EXOC4: variants seen among roughly 807,000 people sequenced by gnomAD.
EXOC4 encodes exocyst complex component 4.
Under a neutral mutation model 107.2 loss-of-function variants are expected in EXOC4, and 71 were observed. That is an observed-to-expected ratio of 0.66 (90% CI 0.55 to 0.81). The LOEUF is 0.81. Among genes scored for constraint, EXOC4 ranks in the 30% least tolerant of loss-of-function variants. EXOC4 has a pLI of 0.00. For missense variants in EXOC4, 1,108 were observed against 1,189.6 expected (o/e 0.93, Z 1.01); for synonymous variants, 456 against 441.2 (o/e 1.03, Z -0.42).
In EXOC4 at chr7:134,005,008, C is replaced by A; in HGVS notation, c.2445C>A (p.Val815=). The A allele has an allele frequency of 6.2e-7, 1 of 1,613,586 alleles. No homozygotes were observed. Among genetic ancestry groups the A allele is most frequent in the South Asian group, 1.1e-5 (1 of 91,042 alleles). The change falls in exon 16 of 18, where the codon GTC becomes GTA. Residue 815 remains valine (V), a synonymous_variant. Coordinates refer to ENST00000253861, the MANE Select transcript of EXOC4 (RefSeq NM_021807.4). ...GTATGGATTATGACCCCCTGGTGGT[C>A]AAGCTCAACAAAGATATCAGCGCCA... The part of the protein sequence containing the change: ...VESMDYDPLV[V]KLNKDISAIE...
In EXOC4 at chr7:133,839,304, C is replaced by A. The variant is rs142981082; in HGVS notation, c.1734+21760C>A. ...TCTTTTATCCCATCCCTTGCCATAT[C>A]ATTTGGCTCTGATCCTATTTGGATA... is the stretch of plus-strand genomic sequence containing the variant. On this transcript the variant is annotated intron_variant, in intron 11 of 17. Coordinates refer to ENST00000253861, the MANE Select transcript of EXOC4 (RefSeq NM_021807.4). Among the ~76,000 whole-genome samples the A allele has an allele frequency of 2.4e-3, 365 of 152,144 alleles. 5 individuals carry two copies. Among genetic ancestry groups the A allele is most frequent in the African/African-American group, 8.2e-3 (341 of 41,504 alleles).
intron 9 of EXOC4, among the ~76,000 whole-genome samples, chr7:133,497,554 C>T (rs1411426006): frequency 1.3e-5 from 2 of 152,048 alleles, no homozygotes; most frequent in Non-Finnish European, 1.5e-5. Context: ...CCTCAGCCTC[C>T]TGAGTAGCTG....
rs141127946 is a variant in EXOC4, at chr7:134,031,880, G to A, written c.2687+24045G>A. 1.1e-4 allele frequency among the ~76,000 whole-genome samples: 16 copies of A among 152,214 alleles called. No homozygotes were observed. The East Asian group carries it at 2.9e-3, about 28-fold the overall frequency. On this transcript the variant is annotated intron_variant, in intron 17 of 17. Coordinates refer to ENST00000253861, the MANE Select transcript of EXOC4 (RefSeq NM_021807.4). ...TTGTTGCTGAATCTCTCTCAGTTGT[G>A]GTTATTTTAATAAGCAGTGAGTTTG...
chr7:133,934,449 A>G (rs989677334), intron 13 of EXOC4, among the ~76,000 whole-genome samples: 1 of 152,168 alleles, frequency 6.6e-6, no homozygotes, highest in African/African-American at 2.4e-5. Context: ...TATTTTTCTC[A>G]GTCTATTGCT....
chr7:133,449,915 T>C (rs751803580), intron 7 of EXOC4, among the ~76,000 whole-genome samples: 5 of 152,170 alleles, frequency 3.3e-5, no homozygotes, highest in Non-Finnish European at 7.3e-5. Context: ...TCTGATTTTA[T>C]TTTATGGAAT....
intron 9 of EXOC4, among the ~76,000 whole-genome samples, chr7:133,552,653 A>G (rs550857122): frequency 6.6e-6 from 1 of 152,072 alleles, no homozygotes; most frequent in Non-Finnish European, 1.5e-5. Flanking sequence ...ATGAGGAGGG[A>G]TAGTTTCCTT....
chr7:133,487,432 C>T (rs957526059), intron 9 of EXOC4, among the ~76,000 whole-genome samples: 6 of 152,088 alleles, frequency 3.9e-5, no homozygotes, highest in East Asian at 1.9e-4. Flanking sequence ...TTTATGGCTG[C>T]GCATGGTGGC....
At chr7:134,092,354 G>T in the EXOC4 span, among the ~76,000 whole-genome samples, 2 of 152,102 alleles carry the variant, frequency 1.3e-5, no homozygotes, top group African/African-American at 4.8e-5. Flanking sequence ...AAACCAGAAA[G>T]TATGGGCCAT....
chr7:133,415,607 CAT>C (rs1797457519), intron 7 of EXOC4, among the ~76,000 whole-genome samples: 1 of 152,014 alleles, frequency 6.6e-6, no homozygotes, highest in Non-Finnish European at 1.5e-5. Context: ...TCGATACACA[CAT>C]GTATGATCAA....
At chr7:133,909,069 T>C (rs896731591) in intron 12 of EXOC4, among the ~76,000 whole-genome samples, 1 of 152,198 alleles carries the variant, frequency 6.6e-6, no homozygotes, top group Non-Finnish European at 1.5e-5. Flanking sequence ...CTCCCACTTA[T>C]GAGTGAGAAC....
chr7:133,663,093 A>G (rs938144855), intron 10 of EXOC4, among the ~76,000 whole-genome samples: 5 of 152,188 alleles, frequency 3.3e-5, no homozygotes, highest in African/African-American at 1.2e-4. Flanking sequence ...TGATCAGAAC[A>G]AAGTGTCACC....
intron 9 of EXOC4, among the ~76,000 whole-genome samples, chr7:133,529,083 A>T (rs948692934): frequency 1.3e-5 from 2 of 152,140 alleles, no homozygotes; most frequent in Non-Finnish European, 2.9e-5. Context: ...GATCTAAAGT[A>T]TCCCTTTCGT....
rs150411566 is a variant in EXOC4 at position 133,878,393 on chromosome 7, C to G, written c.1735-17206C>G. Among the ~76,000 whole-genome samples the G allele has an allele frequency of 1.8e-3, 281 of 152,330 alleles. 1 individual carries two copies. The highest frequency in any genetic ancestry group is 3.4e-3 in the Non-Finnish European group (230 of 68,034). ...CCAGCCATGCTGTGGCATGTTCCATCTTCTGTATTTGTCTGATTGCTTCCT... is the reference window on the plus strand; with the variant it reads ...CCAGCCATGCTGTGGCATGTTCCATGTTCTGTATTTGTCTGATTGCTTCCT... On this transcript the variant is annotated intron_variant, in intron 11 of 17. Transcript: ENST00000253861.
intron 9 of EXOC4, among the ~76,000 whole-genome samples, chr7:133,566,866 TG>T (rs1452274868): frequency 6.6e-6 from 1 of 152,192 alleles, no homozygotes; most frequent in African/African-American, 2.4e-5. Context: ...CAGAAGATTA[TG>T]TTCCCATGGA....
At chr7:133,651,479 A>G (rs1232274907) in intron 10 of EXOC4, among the ~76,000 whole-genome samples, 2 of 152,212 alleles carry the variant, frequency 1.3e-5, no homozygotes, top group Non-Finnish European at 2.9e-5. Context: ...TCACATTATC[A>G]TAAGAAAAGG....
chr7:134,002,562 C>T (rs542898037), intron 15 of EXOC4, among the ~76,000 whole-genome samples: 7 of 152,034 alleles, frequency 4.6e-5, no homozygotes, highest in African/African-American at 1.7e-4. Flanking sequence ...CTGCAAAGTC[C>T]ATATCTGATA....
intron 9 of EXOC4, among the ~76,000 whole-genome samples, chr7:133,519,195 G>C (rs1799936261): frequency 6.6e-6 from 1 of 151,946 alleles, no homozygotes; most frequent in South Asian, 2.1e-4. Context: ...TGGGTCAATT[G>C]CTTGATTCCA....
chr7:133,414,516 G>A (rs1188622676), intron 7 of EXOC4, among the ~76,000 whole-genome samples: 3 of 152,042 alleles, frequency 2.0e-5, no homozygotes, highest in Admixed American at 6.6e-5. Flanking sequence ...CATGTACAAG[G>A]GTGTTCATTG....
intron 5 of EXOC4, among the ~76,000 whole-genome samples, chr7:133,324,742 T>C (rs1169207258): frequency 6.6e-6 from 1 of 152,266 alleles, no homozygotes; most frequent in Admixed American, 6.5e-5. Flanking sequence ...GGTGCAGAGC[T>C]GAGTTCAATT....
Sources: allele counts gnomAD v4.1 joint callset (sites outside exome capture counted in the v4.1 genomes callset), GRCh38; gene constraint gnomAD v4.1.1; transcripts MANE v1.5; gene names NCBI Gene and HGNC (gene_info 2026-07-23, HGNC 2026-07-21).